ADCY4: variants seen among roughly 807,000 people sequenced by gnomAD.
ADCY4 encodes adenylate cyclase 4.
Under a neutral mutation model 125.5 loss-of-function variants are expected in ADCY4, and 111 were observed. The ratio of observed to expected loss-of-function variants is 0.88; its 90% CI spans 0.76 to 1.04. The LOEUF is 1.04. Among genes scored for constraint, ADCY4 ranks in the 50% least tolerant of loss-of-function variants. The probability of loss-of-function intolerance (pLI) is 0.00; values close to 1 mark genes in which losing one functional copy is unlikely to be tolerated. For synonymous variants in ADCY4, 576 were observed against 586.9 expected (o/e 0.98, Z 0.27); for missense variants, 1,256 against 1,382.9 (o/e 0.91, Z 1.46).
At chr14:24,332,759 G>T in intron 2 of ADCY4, 32 bp downstream of exon 2, 1 of 1,530,468 alleles carries the variant, frequency 6.5e-7, no homozygotes, top group African/African-American at 1.4e-5. Context: ...AGCCCGGGCC[G>T]TCCCCGCTGC....
At chr14:24,323,921 T>G in intron 16 of ADCY4, 141 bp downstream of exon 16, 1 of 1,256,704 alleles carries the variant, frequency 8.0e-7, no homozygotes, top group African/African-American at 1.5e-5. Context: ...AGACTGTAAT[T>G]TTTTTCTTTC....
chr14:24,320,315 T>C (rs1355259013), intron 20 of ADCY4, among the ~76,000 whole-genome samples: 1 of 152,180 alleles, frequency 6.6e-6, no homozygotes, highest in Non-Finnish European at 1.5e-5. Context: ...ATAGGGACTA[T>C]GAGGCAAAGG....
chr14:24,322,511 G>A (rs1006435436), intron 19 of ADCY4, 113 bp downstream of exon 19: 1 of 1,148,284 alleles, frequency 8.7e-7, no homozygotes, highest in Non-Finnish European at 1.2e-6. Flanking sequence ...AAGCAGGAAG[G>A]CTCGCTTAGA....
chr14:24,324,910 G>A (rs757917455), intron 14 of ADCY4, among the ~76,000 whole-genome samples: 1 of 151,922 alleles, frequency 6.6e-6, no homozygotes, highest in South Asian at 2.1e-4. Flanking sequence ...CACCATGTTG[G>A]CCAGGCTAGT....
chr14:24,321,826 A>C, intron 20 of ADCY4: 1 of 1,239,818 alleles, frequency 8.1e-7, no homozygotes, highest in Non-Finnish European at 1.0e-6. Context: ...AGGCTTCTGG[A>C]ATGTATGGAA....
At chr14:24,330,394 G>A in intron 6 of ADCY4, 99 bp from the exon 7 acceptor site, 3 of 1,543,048 alleles carry the variant, frequency 1.9e-6, no homozygotes, top group Non-Finnish European at 2.7e-6. Flanking sequence ...TATTCCTGAA[G>A]AACTTCCAAG....
At position 24,331,325 on chromosome 14, in the gene ADCY4, T is replaced by C. The variant is rs2139223032; in HGVS notation, c.701A>G (p.Tyr234Cys). 6.2e-7 allele frequency: 1 copy of C among 1,614,082 alleles called. No individual in the cohort carries two copies. ...CTCTGCCTTCATCTCTCGGGCCAGG[T>C]AGGCAGGAAGGATGGACAAGAGAAG... is the stretch of plus-strand genomic sequence containing the variant. ...EHLLLSILPA[Y>C]LAREMKAEIM... The change falls in exon 5 of 25, where the codon TAC becomes TGC. Residue 234 changes from tyrosine to cysteine, a missense_variant. Physicochemically the swap from Tyr to Cys is radical, Grantham distance 194. Transcript: ENST00000418030.
intron 18 of ADCY4, 59 bp downstream of exon 18, chr14:24,322,845 G>A: frequency 1.3e-6 from 2 of 1,546,622 alleles, no homozygotes; most frequent in Admixed American, 2.0e-5. Flanking sequence ...CAGCTCTGCT[G>A]TATCCCATCT....
rs374008973 is a variant in ADCY4, at chr14:24,324,132, C to T, written c.1976G>A (p.Arg659Gln). 3.2e-5 allele frequency: 52 copies of T among 1,614,096 alleles called. No individual in the cohort carries two copies. The highest frequency in any genetic ancestry group is 1.6e-4 in the Middle Eastern group (1 of 6,084). Reference protein sequence around the residue: ...LPALSGLVATRPGLRIALGTA... With the variant: ...LPALSGLVATQPGLRIALGTA... The stretch of plus-strand genomic sequence containing the variant: ...GCCCAAGGCTATTCTCAGTCCTGGT[C>T]GTGTGGCCACCAGGCCAGACAGTGC... Residue 659 changes from arginine (R) to glutamine (Q), a missense_variant, in exon 16 of 25, where the codon CGA becomes CAA. Coordinates refer to ENST00000418030, the MANE Select transcript of ADCY4 (RefSeq NM_001198568.2).
At chr14:24,327,051 C>T (rs1287808423) in intron 10 of ADCY4, among the ~76,000 whole-genome samples, 2 of 151,976 alleles carry the variant, frequency 1.3e-5, no homozygotes, top group African/African-American at 4.8e-5. Flanking sequence ...CACGCACCAC[C>T]ACGCCTGGCT....
rs776264846 is a variant in ADCY4 at position 24,332,923 on chromosome 14, C to A, written c.225G>T (p.Leu75=). 3.1e-6 allele frequency: 5 copies of A among 1,599,818 alleles called. No homozygotes were observed. The East Asian group carries it at 1.1e-4, about 36-fold the overall frequency. ...VLCALGGFSL[L]LGLASREQRL... ...GCTGCTCCCGGGAAGCGAGGCCCAG[C>A]AGCAGCGAGAAGCCGCCCAGCGCGC... The change falls in exon 2 of 25, where the codon CTG becomes CTT. Residue 75 remains leucine (L), a synonymous_variant. Coordinates refer to ENST00000418030, the MANE Select transcript of ADCY4 (RefSeq NM_001198568.2).
intron 8 of ADCY4, 73 bp downstream of exon 8, chr14:24,329,787 T>G (rs1185144700): frequency 1.9e-6 from 3 of 1,562,490 alleles, no homozygotes; most frequent in African/African-American, 1.4e-5. Flanking sequence ...CTTAAGGAAC[T>G]AATGAAAGGA....
rs1241477788 is a variant in ADCY4 at position 24,322,666 on chromosome 14, G to A, written c.2385C>T (p.Ser795=). Residue 795 remains serine (S), a synonymous_variant, in exon 19 of 25, where the codon TCC becomes TCT. Transcript: ENST00000418030. ...GGAGGGTGAAGAAGAAGATGAAGAA[G>A]GAGATAGCACCCATCAGTTTGGGCT... ...LKEPKLMGAI[S]FFIFFFTLLV... is the part of the protein sequence containing the mutation. 6.2e-7 allele frequency: 1 copy of A among 1,614,044 alleles called. No individual in the cohort carries two copies.
chr14:24,318,537 G>A lies in ADCY4; in HGVS notation c.3113C>T (p.Ser1038Phe), dbSNP rs2041802985. The A allele has an allele frequency of 1.2e-6, 2 of 1,614,068 alleles. No homozygotes were observed. The highest frequency in any genetic ancestry group is 8.5e-7 in the Non-Finnish European group (1 of 1,180,048). Residue 1038 changes from serine (S) to phenylalanine (F), a missense_variant, in exon 25 of 25, where the codon TCC (serine) becomes TTC (phenylalanine). Physicochemically the swap from Ser to Phe is radical, Grantham distance 155. Transcript: ENST00000418030. ...VTEETAWALQ[S>F]LGYTCYSRGV... is the part of the protein sequence containing the mutation. ...CCGGCTGTAGCAGGTGTAGCCCAGG[G>A]ACTGTAGGGCCCATGCTGTCTCCTC... is the stretch of plus-strand genomic sequence containing the variant.
chr14:24,333,323 T>C, intron 1 of ADCY4, among the ~76,000 whole-genome samples: 1 of 151,898 alleles, frequency 6.6e-6, no homozygotes, highest in South Asian at 2.1e-4. Flanking sequence ...CGGGTTCAAG[T>C]GATTCTCATG....
chr14:24,326,741 G>A (rs1469718733), intron 10 of ADCY4, among the ~76,000 whole-genome samples: 12 of 152,016 alleles, frequency 7.9e-5, no homozygotes, highest in Admixed American at 7.9e-4. Flanking sequence ...TTACAGGCAT[G>A]TGCCACCACG....
chr14:24,326,497 A>G (rs1309333899), intron 10 of ADCY4, 155 bp from the exon 11 acceptor site: 12 of 816,124 alleles, frequency 1.5e-5, no homozygotes, highest in Non-Finnish European at 2.2e-5. Context: ...TGTCTCCCAA[A>G]TCCCACCTGC....
intron 13 of ADCY4, 39 bp downstream of exon 13, chr14:24,325,779 G>T (rs1485382302): frequency 3.2e-6 from 5 of 1,571,130 alleles, no homozygotes; most frequent in Non-Finnish European, 4.3e-6. Context: ...AGGAACTAAA[G>T]TTGGGAAGTT....
At chr14:24,331,178 C>T (rs879195580) in intron 5 of ADCY4, 30 bp downstream of exon 5, 4 of 1,613,646 alleles carry the variant, frequency 2.5e-6, no homozygotes, top group Admixed American at 3.3e-5. Context: ...AGCCCACAGG[C>T]CCCTCCCCTC....
Sources: allele counts gnomAD v4.1 joint callset (sites outside exome capture counted in the v4.1 genomes callset), GRCh38; gene constraint gnomAD v4.1.1; transcripts MANE v1.5; gene names NCBI Gene and HGNC (gene_info 2026-07-23, HGNC 2026-07-21).